CEP85L: variants seen among roughly 807,000 people sequenced by gnomAD.
CEP85L encodes the protein centrosomal protein of 85 kDa-like.
Under a neutral mutation model 100.3 loss-of-function variants are expected in CEP85L, and 60 were observed. The ratio of observed to expected loss-of-function variants is 0.60; its 90% confidence interval spans 0.49 to 0.74. CEP85L has a LOEUF of 0.74. Ranked by LOEUF, CEP85L falls within the 30% of genes least tolerant of loss-of-function variation. The pLI is 0.00. For missense variants in CEP85L, 973 were observed against 936.2 expected (o/e 1.04, Z -0.51); for synonymous variants, 319 against 322.7 (o/e 0.99, Z 0.12).
At chr6:118,501,041 C>G (rs1775266297) in intron 5 of CEP85L, among the ~76,000 whole-genome samples, 1 of 152,184 alleles carries the variant, frequency 6.6e-6, no homozygotes, top group Non-Finnish European at 1.5e-5. Context: ...TCCTTTCTTT[C>G]TCTTTTTCCA....
intron 3 of CEP85L, among the ~76,000 whole-genome samples, chr6:118,525,203 A>T (rs1776896234): frequency 1.3e-5 from 2 of 152,184 alleles, no homozygotes; most frequent in Non-Finnish European, 2.9e-5. Flanking sequence ...GAAATATATC[A>T]CTTAGAAAAA....
chr6:118,504,937 G>A (rs1456465864), intron 5 of CEP85L, among the ~76,000 whole-genome samples: 2 of 151,982 alleles, frequency 1.3e-5, no homozygotes, highest in Non-Finnish European at 2.9e-5. Flanking sequence ...GAGTAGAGTG[G>A]GAAAAATGCA....
chr6:118,518,672 A>C, intron 4 of CEP85L, among the ~76,000 whole-genome samples: 1 of 152,064 alleles, frequency 6.6e-6, no homozygotes, highest in Non-Finnish European at 1.5e-5. Flanking sequence ...TGATCTTTTC[A>C]AAAAACCACC....
Position 118,498,281 on chromosome 6 carries a change from G to T in CEP85L, c.1258-6416C>A, listed in dbSNP as rs113837446. Among the ~76,000 whole-genome samples the T allele has an allele frequency of 4.3e-3, 660 of 152,184 alleles. 8 individuals carry two copies. The highest frequency in any genetic ancestry group is 0.015 in the African/African-American group (639 of 41,512). ...GGCTGAGGCAGGAGGATCACTTAAG[G>T]TCAGGGGTTCGAGACCAGCCTAGGC... On this transcript the variant is annotated intron_variant, in intron 5 of 12. Transcript: ENST00000368491.
chr6:118,484,295 G>A (rs1167845658), intron 6 of CEP85L, among the ~76,000 whole-genome samples: 1 of 152,238 alleles, frequency 6.6e-6, no homozygotes, highest in Non-Finnish European at 1.5e-5. Flanking sequence ...CTGCCTGGGT[G>A]ATAGAGCGAG....
At chr6:118,593,592 A>G (rs913149136) in intron 2 of CEP85L, among the ~76,000 whole-genome samples, 14 of 151,884 alleles carry the variant, frequency 9.2e-5, no homozygotes, top group African/African-American at 3.4e-4. Context: ...CCATGATGCA[A>G]TCACCTCCCA....
intron 2 of CEP85L, among the ~76,000 whole-genome samples, chr6:118,605,907 G>T (rs888848771): frequency 9.2e-5 from 14 of 151,950 alleles, no homozygotes; most frequent in African/African-American, 3.1e-4. Context: ...CCAGCTACTT[G>T]GGAGGCTGAG....
chr6:118,677,955 C>T (rs985706281), intron 1 of CEP85L, among the ~76,000 whole-genome samples: 1 of 152,188 alleles, frequency 6.6e-6, no homozygotes, highest in African/African-American at 2.4e-5. Flanking sequence ...CAATTTTGCA[C>T]CCTTCTAATT....
intron 1 of CEP85L, 130 bp downstream of exon 1, chr6:118,651,067 C>A: frequency 2.3e-6 from 3 of 1,324,150 alleles, no homozygotes; most frequent in Non-Finnish European, 2.9e-6. Flanking sequence ...GGACACTGGG[C>A]ACGCGGCGGC....
chr6:118,598,191 T>C (rs1231570273), intron 2 of CEP85L, among the ~76,000 whole-genome samples: 4 of 152,224 alleles, frequency 2.6e-5, no homozygotes, highest in Admixed American at 1.3e-4. Context: ...ATTTTAATGT[T>C]TATTAATGAG....
chr6:118,573,030 C>T lies in CEP85L; in HGVS notation c.233-6714G>A, dbSNP rs146721105. On this transcript the variant is annotated intron_variant, in intron 2 of 12. Transcript: ENST00000368491. ...TGAGCTAAGACTGTGCCATTGCACT[C>T]CAGCTTGGGTAACAAGAGTGATACT... Among the ~76,000 whole-genome samples, 1,233 of 152,182 alleles carry T rather than the reference C, an allele frequency of 8.1e-3. 14 individuals are homozygous for T. The highest frequency in any genetic ancestry group is 0.028 in the African/African-American group (1,172 of 41,522).
At position 118,488,021 on chromosome 6, in the gene CEP85L, T is replaced by A. The variant is rs536939470; in HGVS notation, c.1437+3665A>T. Among the ~76,000 whole-genome samples the A allele has an allele frequency of 2.0e-5, 3 of 151,890 alleles. No individual in the cohort carries two copies. In the East Asian group the frequency reaches 5.8e-4, roughly 29 times the overall value. On this transcript the variant is annotated intron_variant, in intron 6 of 12. Coordinates refer to ENST00000368491, the MANE Select transcript of CEP85L (RefSeq NM_001042475.3). ...TGCTAAGAACAAAAAAAAAAATTAG[T>A]TAAACTAGTACAAAGATATGAAAAG...
intron 3 of CEP85L, among the ~76,000 whole-genome samples, chr6:118,525,902 T>G (rs1776934376): frequency 6.6e-6 from 1 of 152,354 alleles, no homozygotes; most frequent in East Asian, 1.9e-4. Context: ...TCCTTTACTT[T>G]CCAAAAATGC....
At chr6:118,613,427 G>A (rs964462139) in intron 2 of CEP85L, among the ~76,000 whole-genome samples, 2 of 152,068 alleles carry the variant, frequency 1.3e-5, no homozygotes, top group Admixed American at 6.5e-5. Flanking sequence ...TAAGGAAATC[G>A]AATTCATAAT....
intron 2 of CEP85L, among the ~76,000 whole-genome samples, chr6:118,623,904 A>G (rs1201052283): frequency 6.6e-6 from 1 of 152,152 alleles, no homozygotes; most frequent in Non-Finnish European, 1.5e-5. Context: ...CTACCTTCCC[A>G]TCTATGGATC....
chr6:118,586,608 G>A (rs1354606868), intron 2 of CEP85L, among the ~76,000 whole-genome samples: 2 of 151,960 alleles, frequency 1.3e-5, no homozygotes, highest in African/African-American at 4.8e-5. Context: ...AGCTGAGGGA[G>A]CAACCCCCAA....
chr6:118,558,513 G>C (rs908696616), intron 3 of CEP85L, among the ~76,000 whole-genome samples: 1 of 151,832 alleles, frequency 6.6e-6, no homozygotes, highest in African/African-American at 2.4e-5. Flanking sequence ...TAGTAAATTT[G>C]GGAGAAAAAG....
chr6:118,537,149 T>G (rs1414114918), intron 3 of CEP85L, among the ~76,000 whole-genome samples: 3 of 152,172 alleles, frequency 2.0e-5, no homozygotes, highest in Non-Finnish European at 4.4e-5. Flanking sequence ...TGTTTCTACA[T>G]CACTGTAACC....
chr6:118,605,710 G>A (rs1772150517), intron 2 of CEP85L, among the ~76,000 whole-genome samples: 1 of 149,566 alleles, frequency 6.7e-6, no homozygotes, highest in South Asian at 2.1e-4. Flanking sequence ...CCTCTCATGT[G>A]TGCATTAAGA....
Sources: allele counts gnomAD v4.1 joint callset (sites outside exome capture counted in the v4.1 genomes callset), GRCh38; gene constraint gnomAD v4.1.1; transcripts MANE v1.5; gene names NCBI Gene and HGNC (gene_info 2026-07-23, HGNC 2026-07-21).